The following EEIG1 variants were observed in gnomAD, a reference collection of about 807,000 sequenced individuals.
The protein encoded by EEIG1 is estrogen-induced osteoclastogenesis regulator 1.
the EEIG1 span, among the ~76,000 whole-genome samples, chr9:127,978,331 G>A: frequency 1.3e-5 from 2 of 152,078 alleles, no homozygotes; most frequent in African/African-American, 4.8e-5. Flanking sequence ...GAGGTCCCTG[G>A]CAAGCCACTG....
chr9:127,961,975 C>T, the EEIG1 span, among the ~76,000 whole-genome samples: 2 of 152,164 alleles, frequency 1.3e-5, no homozygotes, highest in Non-Finnish European at 2.9e-5. Context: ...GCAGTCCCCA[C>T]GGTGTCCACG....
At chr9:127,945,364 C>T in the EEIG1 span, 3 of 1,580,432 alleles carry the variant, frequency 1.9e-6, no homozygotes, top group South Asian at 2.3e-5. This position sits in a 1 kb window ranked among gnomAD's most constrained non-coding sequence, Gnocchi z 6.5. Flanking sequence ...CAGTAGGCCT[C>T]ACCTGAAAGA....
the EEIG1 span, chr9:127,972,509 T>C: frequency 1.3e-5 from 2 of 152,368 alleles, no homozygotes; most frequent in Admixed American, 1.3e-4. This position sits in a 1 kb window ranked among gnomAD's most constrained non-coding sequence, Gnocchi z 4.3. Context: ...TCTCACCATG[T>C]CCTCTGAGAG....
the EEIG1 span, among the ~76,000 whole-genome samples, chr9:127,945,203 G>A: frequency 5.1e-4 from 78 of 152,238 alleles, no homozygotes; most frequent in East Asian, 0.014. The surrounding 1 kb of genome is among the most constrained non-coding windows in gnomAD (Gnocchi z 6.5). Flanking sequence ...GCTGCACGCC[G>A]GGCATGGCTG....
At chr9:127,965,104 C>T in the EEIG1 span, among the ~76,000 whole-genome samples, 1 of 57,258 alleles carries the variant, frequency 1.7e-5, no homozygotes, top group African/African-American at 8.0e-5. Flanking sequence ...GCAAGACTGT[C>T]TCAAAAAAAA....
At chr9:127,979,547 A>G in the EEIG1 span, among the ~76,000 whole-genome samples, 1 of 152,202 alleles carries the variant, frequency 6.6e-6, no homozygotes, top group African/African-American at 2.4e-5. Flanking sequence ...CTCCAGCCAG[A>G]CTAGGGAGTG....
At chr9:127,966,602 G>C in the EEIG1 span, among the ~76,000 whole-genome samples, 3 of 152,242 alleles carry the variant, frequency 2.0e-5, no homozygotes, top group Non-Finnish European at 1.5e-5. Flanking sequence ...CCATTCTCCA[G>C]ATGCAAATGA....
the EEIG1 span, among the ~76,000 whole-genome samples, chr9:127,974,817 T>C: frequency 1.3e-5 from 2 of 152,166 alleles, no homozygotes; most frequent in Non-Finnish European, 2.9e-5. Context: ...ACAAAGCGTG[T>C]GTTCAGGGAA....
the EEIG1 span, chr9:127,953,554 C>G: frequency 6.2e-7 from 1 of 1,613,008 alleles, no homozygotes; most frequent in South Asian, 1.1e-5. Context: ...TCCCACTGCC[C>G]CTTCACACAG....
chr9:127,980,897 G>T, the EEIG1 span, among the ~76,000 whole-genome samples: 3 of 149,154 alleles, frequency 2.0e-5, no homozygotes, highest in Non-Finnish European at 4.5e-5. Flanking sequence ...GGTGGCGCCC[G>T]CCTCGCCCGG....
chr9:127,943,013 C>T, the EEIG1 span: 1 of 653,614 alleles, frequency 1.5e-6, no homozygotes, highest in Non-Finnish European at 2.8e-6. Flanking sequence ...CAGGAGGGTC[C>T]CAGCATGGAT....
the EEIG1 span, among the ~76,000 whole-genome samples, chr9:127,948,744 C>T: frequency 3.3e-4 from 50 of 152,336 alleles, no homozygotes; most frequent in African/African-American, 1.2e-3. Flanking sequence ...CATGGTGAAG[C>T]CACACACTCA....
the EEIG1 span, among the ~76,000 whole-genome samples, chr9:127,977,410 T>G: frequency 1.3e-5 from 2 of 152,196 alleles, no homozygotes; most frequent in Non-Finnish European, 2.9e-5. Flanking sequence ...GGCCAACAGG[T>G]AGGGAGACAG....
the EEIG1 span, among the ~76,000 whole-genome samples, chr9:127,959,470 G>A: frequency 1.3e-5 from 2 of 152,334 alleles, no homozygotes; most frequent in East Asian, 1.9e-4. Flanking sequence ...CTAGATTGGT[G>A]GCTGCCAGGG....
the EEIG1 span, among the ~76,000 whole-genome samples, chr9:127,956,117 C>T: frequency 3.9e-5 from 6 of 152,288 alleles, no homozygotes; most frequent in East Asian, 1.2e-3. Flanking sequence ...TAGGCAGGTG[C>T]CACAGGAGTG....
chr9:127,940,909 TCTC>T, the EEIG1 span: 1 of 151,978 alleles, frequency 6.6e-6, no homozygotes, highest in East Asian at 1.9e-4. Flanking sequence ...TTTCTTTAAA[TCTC>T]CTAATAAAAA....
chr9:127,946,858 G>A, the EEIG1 span, among the ~76,000 whole-genome samples: 8 of 152,196 alleles, frequency 5.3e-5, no homozygotes, highest in Admixed American at 3.9e-4. Flanking sequence ...CATGAGGCCT[G>A]TGCTCTAACT....
the EEIG1 span, among the ~76,000 whole-genome samples, chr9:127,973,701 C>T: frequency 6.6e-6 from 1 of 152,222 alleles, no homozygotes; most frequent in Non-Finnish European, 1.5e-5. The surrounding 1 kb of genome is among the most constrained non-coding windows in gnomAD (Gnocchi z 4.2). Flanking sequence ...GTACCACAGC[C>T]TCGCTGCCCG....
chr9:127,961,400 A>C, the EEIG1 span, among the ~76,000 whole-genome samples: 2 of 152,168 alleles, frequency 1.3e-5, no homozygotes, highest in African/African-American at 4.8e-5. Flanking sequence ...TGAGGATGCC[A>C]GGCAGGCAGC....
Sources: allele counts gnomAD v4.1 joint callset (sites outside exome capture counted in the v4.1 genomes callset), GRCh38; gene constraint gnomAD v4.1.1; non-coding constraint Gnocchi (gnomAD v3.1); transcripts MANE v1.5; gene names NCBI Gene and HGNC (gene_info 2026-07-23, HGNC 2026-07-21).